The following AFTPH variants were observed in gnomAD, a reference collection of about 807,000 sequenced individuals.
AFTPH encodes aftiphilin protein.
In AFTPH, 7 loss-of-function variants were observed where a neutral mutation model predicts 72.5. That is an observed-to-expected ratio of 0.10 (90% CI 0.05 to 0.18). The LOEUF (loss-of-function observed/expected upper bound fraction) is 0.18. Among genes scored for constraint, AFTPH ranks in the 10% least tolerant of loss-of-function variants. The pLI is 1.00. For synonymous variants in AFTPH, 337 were observed against 370.1 expected (o/e 0.91, Z 1.03); for missense variants, 979 against 1,060.5 (o/e 0.92, Z 1.07).
At chr2:64,569,383 C>T (rs1212036962) in intron 4 of AFTPH, among the ~76,000 whole-genome samples, 165 bp downstream of exon 4, 1 of 152,082 alleles carries the variant, frequency 6.6e-6, no homozygotes, top group Admixed American at 6.6e-5. Flanking sequence ...ATCAGTCTAC[C>T]TAAATTTTTC....
At chr2:64,541,523 T>A (rs1263740971) in intron 1 of AFTPH, among the ~76,000 whole-genome samples, 1 of 152,184 alleles carries the variant, frequency 6.6e-6, no homozygotes, top group South Asian at 2.1e-4. Flanking sequence ...TCTAAATATA[T>A]TGAAAACCAA....
chr2:64,562,431 C>T (rs1671799162), intron 2 of AFTPH, among the ~76,000 whole-genome samples: 1 of 151,862 alleles, frequency 6.6e-6, no homozygotes, highest in South Asian at 2.1e-4. Context: ...TAGTCCCTGC[C>T]CTCAAAGCTC....
chr2:64,581,190 C>T, intron 7 of AFTPH: 1 of 1,590,058 alleles, frequency 6.3e-7, no homozygotes, highest in Non-Finnish European at 8.6e-7. Flanking sequence ...GAATTTCAAG[C>T]TAGTGGAGGT....
intron 5 of AFTPH, among the ~76,000 whole-genome samples, chr2:64,571,826 T>C (rs545671873): frequency 5.3e-5 from 8 of 152,252 alleles, no homozygotes; most frequent in Non-Finnish European, 8.8e-5. Flanking sequence ...GCCTAGATTA[T>C]GGCCCATTTT....
chr2:64,544,597 G>T (rs563410766), intron 1 of AFTPH, among the ~76,000 whole-genome samples: 18 of 139,926 alleles, frequency 1.3e-4, no homozygotes, highest in Non-Finnish European at 2.5e-4. Context: ...TTTTTCCCCT[G>T]TTGAGCAGGA....
rs1409412383 is a variant in AFTPH, at chr2:64,572,828, T to C, written c.2272-118T>C. On this transcript the variant is annotated intron_variant, in intron 5 of 8. Coordinates refer to ENST00000238856, the Ensembl canonical transcript of AFTPH. The stretch of plus-strand genomic sequence containing the variant: ...TAAAAAAAAAAAAAGACTAGTTCCT[T>C]TTTGTCTTCAGTACTTTCCAAGTGA... The C allele has an allele frequency of 3.1e-5, 42 of 1,371,350 alleles. No individual in the cohort carries two copies. The East Asian group carries it at 9.1e-4, about 30-fold the overall frequency. 84.9% of individuals were successfully genotyped at this position (1,371,350 alleles called of 1,614,324 possible).
At chr2:64,556,474 A>G (rs1671384001) in intron 2 of AFTPH, among the ~76,000 whole-genome samples, 2 of 152,186 alleles carry the variant, frequency 1.3e-5, no homozygotes, top group African/African-American at 2.4e-5. Flanking sequence ...AAACATGGCA[A>G]TTTGATTTAA....
At chr2:64,590,231 G>T (rs532580482) in intron 8 of AFTPH, among the ~76,000 whole-genome samples, 3 of 152,258 alleles carry the variant, frequency 2.0e-5, no homozygotes, top group South Asian at 4.1e-4. Flanking sequence ...CTTATATAAA[G>T]ATTAGTATAG....
intron 1 of AFTPH, among the ~76,000 whole-genome samples, chr2:64,550,623 T>G (rs1670970404): frequency 6.6e-6 from 1 of 151,494 alleles, no homozygotes. Flanking sequence ...TTATCCTGAT[T>G]GTAGTGATGG....
At chr2:64,532,097 C>G (rs932634013) in intron 1 of AFTPH, among the ~76,000 whole-genome samples, 1 of 152,040 alleles carries the variant, frequency 6.6e-6, no homozygotes, top group Non-Finnish European at 1.5e-5. Flanking sequence ...TGTAGGAGGA[C>G]TTGAGGGAGG....
At chr2:64,575,758 AG>A (rs1672739069) in intron 6 of AFTPH, among the ~76,000 whole-genome samples, 1 of 133,866 alleles carries the variant, frequency 7.5e-6, no homozygotes, top group South Asian at 2.5e-4. Context: ...TTTTTTTTGG[AG>A]GTAGAGTCTT....
chr2:64,567,365 A>T (rs1672149426), intron 2 of AFTPH, among the ~76,000 whole-genome samples, 197 bp from the exon 3 acceptor site: 1 of 152,214 alleles, frequency 6.6e-6, no homozygotes, highest in South Asian at 2.1e-4. Context: ...TACGTAGCTC[A>T]TCATCATCAT....
At chr2:64,547,825 C>G (rs959995965) in intron 1 of AFTPH, among the ~76,000 whole-genome samples, 20 of 152,028 alleles carry the variant, frequency 1.3e-4, no homozygotes, top group Middle Eastern at 3.4e-3. Flanking sequence ...CTCTGTCACC[C>G]AGGCTGGAGT....
rs551706199 is a variant in AFTPH at position 64,536,484 on chromosome 2, G to A, written c.-33+11872G>A. On this transcript the variant is annotated intron_variant, in intron 1 of 8. Transcript: ENST00000238856. Reference sequence around the variant, plus strand: ...CTCAGGAGGTTGAGGTGGGAGAATCGCCTGAACCTGGGAGGTGGAGGTTGT... The same window carrying A: ...CTCAGGAGGTTGAGGTGGGAGAATCACCTGAACCTGGGAGGTGGAGGTTGT... Among the ~76,000 whole-genome samples the A allele has an allele frequency of 7.3e-5, 11 of 150,310 alleles. No homozygotes were observed. The South Asian group carries it at 1.9e-3, about 26-fold the overall frequency.
intron 5 of AFTPH, among the ~76,000 whole-genome samples, chr2:64,571,296 A>AG (rs1672416759): frequency 2.1e-5 from 3 of 143,652 alleles, no homozygotes; most frequent in African/African-American, 7.5e-5. Context: ...AGTATTTCTG[A>AG]GGTAGGCTCA....
In AFTPH at chr2:64,585,486, A is replaced by G. The variant is rs143919544; in HGVS notation, c.2520A>G (p.Lys840=). Residue 840 remains lysine (K), a synonymous_variant, in exon 8 of 9, where the codon AAA becomes AAG. Coordinates refer to ENST00000238856, the Ensembl canonical transcript of AFTPH. The stretch of plus-strand genomic sequence containing the variant: ...TGGAAATCTCCACCTCAAGCCTCAA[A>G]GTGACTGATGCATTTGCAAGACTCA... 1.8e-5 allele frequency: 29 copies of G among 1,613,684 alleles called. No individual in the cohort carries two copies. The African/African-American group carries it at 2.9e-4, about 16-fold the overall frequency.
At chr2:64,543,247 T>G (rs776166874) in intron 1 of AFTPH, among the ~76,000 whole-genome samples, 23 of 152,372 alleles carry the variant, frequency 1.5e-4, no homozygotes, top group Non-Finnish European at 2.9e-4. Flanking sequence ...CATTGACTTG[T>G]AGGAATTCTT....
chr2:64,530,868 C>T (rs1458704130), intron 1 of AFTPH, among the ~76,000 whole-genome samples: 2 of 151,886 alleles, frequency 1.3e-5, no homozygotes, highest in Non-Finnish European at 2.9e-5. Flanking sequence ...TTGAGACCAG[C>T]CTGGCCAACA....
At chr2:64,546,909 C>A (rs1034446711) in intron 1 of AFTPH, among the ~76,000 whole-genome samples, 5 of 151,498 alleles carry the variant, frequency 3.3e-5, no homozygotes, top group African/African-American at 1.2e-4. Flanking sequence ...ATTAGCCAGG[C>A]GTGGTGGCAG....
Sources: allele counts gnomAD v4.1 joint callset (sites outside exome capture counted in the v4.1 genomes callset), GRCh38; gene constraint gnomAD v4.1.1; transcripts MANE v1.5; gene names NCBI Gene and HGNC (gene_info 2026-07-23, HGNC 2026-07-21).